The following RALYL variants were observed in gnomAD, a reference collection of about 807,000 sequenced individuals.
The protein encoded by RALYL is RNA-binding Raly-like protein.
A neutral mutation model predicts 35.1 loss-of-function variants in RALYL; 29 were observed. The ratio of observed to expected loss-of-function variants is 0.83; its 90% CI spans 0.61 to 1.13. The LOEUF is 1.13. RALYL is among the 50% of genes most tolerant of loss of function. The probability of loss-of-function intolerance (pLI) is 0.00; values close to 1 mark genes in which losing one functional copy is unlikely to be tolerated. For missense variants in RALYL, 359 were observed against 360.4 expected (o/e 1.00, Z 0.03); for synonymous variants, 120 against 127.6 (o/e 0.94, Z 0.40).
chr8:84,249,550 T>A (rs530570610), intron 1 of RALYL, among the ~76,000 whole-genome samples: 13 of 152,244 alleles, frequency 8.5e-5, no homozygotes, highest in Admixed American at 2.0e-4. Flanking sequence ...TTCTACAATT[T>A]TAAAAGCCAA....
intron 2 of RALYL, among the ~76,000 whole-genome samples, chr8:84,569,327 T>C (rs1393069680): frequency 1.3e-5 from 2 of 152,110 alleles, no homozygotes; most frequent in African/African-American, 4.8e-5. Context: ...TTTCTTGTTT[T>C]TCTCAGGTTT....
intron 1 of RALYL, among the ~76,000 whole-genome samples, chr8:84,339,985 G>A (rs189393832): frequency 6.6e-6 from 1 of 152,182 alleles, no homozygotes; most frequent in Admixed American, 6.5e-5. Flanking sequence ...ATGGGGATGG[G>A]TTTTTCCCAT....
chr8:84,404,695 T>C (rs554937631), intron 1 of RALYL, among the ~76,000 whole-genome samples: 91 of 152,156 alleles, frequency 6.0e-4, no homozygotes, highest in African/African-American at 2.0e-3. Flanking sequence ...ATAAAAAGAG[T>C]TAGGGAGGAG....
chr8:84,537,575 T>C (rs1342982220), intron 2 of RALYL, among the ~76,000 whole-genome samples: 1 of 152,146 alleles, frequency 6.6e-6, no homozygotes, highest in Non-Finnish European at 1.5e-5. Flanking sequence ...TGGTATTCAG[T>C]ACAAATCACT....
At chr8:84,352,917 T>G (rs1383664780) in intron 1 of RALYL, among the ~76,000 whole-genome samples, 3 of 150,064 alleles carry the variant, frequency 2.0e-5, no homozygotes, top group African/African-American at 7.5e-5. Context: ...CTCTTTTTAG[T>G]AAGAAAATAC....
rs796180166 is a variant in RALYL at position 84,671,499 on chromosome 8, C to T, written c.257-103080C>T. 4.6e-5 allele frequency among the ~76,000 whole-genome samples: 7 copies of T among 152,336 alleles called. 1 individual carries two copies. The highest frequency in any genetic ancestry group is 1.7e-4 in the African/African-American group (7 of 41,582). ...ATGAGGGCCCCATCCCTGCAGCAAA[C>T]TTCTGCCTGAACATCCACGTGTTTC... On this transcript the variant is annotated intron_variant, in intron 2 of 8. Coordinates refer to ENST00000521268, the MANE Select transcript of RALYL (RefSeq NM_173848.7).
intron 1 of RALYL, among the ~76,000 whole-genome samples, chr8:84,423,607 G>T (rs1192110853): frequency 2.0e-5 from 3 of 151,526 alleles, no homozygotes; most frequent in Non-Finnish European, 4.4e-5. Flanking sequence ...TATAGCTGGT[G>T]ATTTTGCTCG....
intron 1 of RALYL, among the ~76,000 whole-genome samples, chr8:84,309,741 C>T (rs80234128): frequency 0.012 from 1,888 of 152,164 alleles, 44 homozygotes; most frequent in African/African-American, 0.043. Flanking sequence ...AAAAGCAAAA[C>T]AGTAAAAAAC....
intron 1 of RALYL, among the ~76,000 whole-genome samples, chr8:84,325,528 G>T (rs1483003647): frequency 2.0e-5 from 3 of 152,104 alleles, no homozygotes; most frequent in Non-Finnish European, 4.4e-5. Flanking sequence ...CCTCTGATTT[G>T]ACAGTCTCAA....
intron 2 of RALYL, among the ~76,000 whole-genome samples, chr8:84,735,809 CGCGAGAGA>C (rs1330159458): frequency 8.6e-4 from 103 of 119,108 alleles, no homozygotes; most frequent in African/African-American, 1.2e-3. Flanking sequence ...TCATCCAAAC[CGCGAGAGA>C]GAGAGAGAGA....
intron 1 of RALYL, among the ~76,000 whole-genome samples, chr8:84,410,838 A>G (rs2132164307): frequency 6.6e-6 from 1 of 151,878 alleles, no homozygotes; most frequent in African/African-American, 2.4e-5. Context: ...AATGCATACT[A>G]TTAAGAGTGA....
intron 2 of RALYL, among the ~76,000 whole-genome samples, chr8:84,763,260 G>T (rs1813113443): frequency 6.6e-6 from 1 of 152,096 alleles, no homozygotes; most frequent in East Asian, 1.9e-4. Flanking sequence ...CAAAATCTTG[G>T]GGTCTCCTTT....
chr8:84,639,612 A>G (rs1369696412), intron 2 of RALYL, among the ~76,000 whole-genome samples: 1 of 151,754 alleles, frequency 6.6e-6, no homozygotes, highest in Non-Finnish European at 1.5e-5. Flanking sequence ...TTTTTTGTTT[A>G]TATTCTCCCT....
intron 1 of RALYL, among the ~76,000 whole-genome samples, chr8:84,502,910 CT>C (rs2056830281): frequency 8.0e-6 from 1 of 124,760 alleles, no homozygotes; most frequent in East Asian, 2.3e-4. Flanking sequence ...AAGACCCACT[CT>C]TTAAAAAAAA....
intron 1 of RALYL, among the ~76,000 whole-genome samples, chr8:84,481,425 G>T (rs553589347): frequency 6.6e-6 from 1 of 152,092 alleles, no homozygotes; most frequent in Non-Finnish European, 1.5e-5. Flanking sequence ...AAATTCTTGG[G>T]CTCAGGTGAT....
intron 4 of RALYL, among the ~76,000 whole-genome samples, chr8:84,814,516 T>C (rs1351719826): frequency 2.0e-5 from 3 of 152,208 alleles, no homozygotes; most frequent in Non-Finnish European, 4.4e-5. Context: ...AATATGCATC[T>C]CATCTTAATA....
intron 4 of RALYL, among the ~76,000 whole-genome samples, chr8:84,846,798 T>C (rs781436025): frequency 6.6e-6 from 1 of 152,324 alleles, no homozygotes; most frequent in South Asian, 2.1e-4. Context: ...TTTGTGTACA[T>C]AGCAGTGTTC....
chr8:84,185,412 G>T (rs1431726674), intron 1 of RALYL, among the ~76,000 whole-genome samples: 4 of 152,112 alleles, frequency 2.6e-5, no homozygotes, highest in African/African-American at 9.7e-5. Context: ...ATTCAATGTT[G>T]AATGTATTCT....
intron 1 of RALYL, among the ~76,000 whole-genome samples, chr8:84,343,320 T>C (rs1354903083): frequency 2.6e-5 from 4 of 152,112 alleles, no homozygotes; most frequent in African/African-American, 7.2e-5. Flanking sequence ...TCTGCTCACT[T>C]TGAATATCGG....
Sources: allele counts gnomAD v4.1 joint callset (sites outside exome capture counted in the v4.1 genomes callset), GRCh38; gene constraint gnomAD v4.1.1; transcripts MANE v1.5; gene names NCBI Gene and HGNC (gene_info 2026-07-23, HGNC 2026-07-21).